Variants in GNAO1 observed in about 807,000 individuals in gnomAD.
GNAO1 encodes G protein subunit alpha o1, also known as guanine nucleotide-binding protein G(o) subunit alpha.
For missense variants in GNAO1, 166 were observed against 478.7 expected, an observed-to-expected ratio of 0.35 and a Z score of 6.10; for synonymous variants, 164 against 180.7, an observed-to-expected ratio of 0.91 and a Z score of 0.74.
At chr16:56,337,071 AGAGCCTGTGTATGCAAC>A (rs2037747392) in intron 6 of GNAO1, among the ~76,000 whole-genome samples, 1 of 152,280 alleles carries the variant, frequency 6.6e-6, no homozygotes, top group Non-Finnish European at 1.5e-5. Context: ...CCAGTGTGGC[AGAGCCTGTGTATGCAAC>A]CTGATCACAC....
chr16:56,325,742 G>A (rs1448050153), intron 3 of GNAO1, among the ~76,000 whole-genome samples: 1 of 152,150 alleles, frequency 6.6e-6, no homozygotes, highest in African/African-American at 2.4e-5. Flanking sequence ...GTGAGTGCAA[G>A]TGGCAGAAAC....
intron 2 of GNAO1, among the ~76,000 whole-genome samples, chr16:56,256,720 G>GTT (rs1434031437): frequency 2.5e-4 from 12 of 48,672 alleles, no homozygotes; most frequent in African/African-American, 9.6e-4. Flanking sequence ...CTCTCTCTCT[G>GTT]TGTGTGTGTG....
At chr16:56,261,089 T>G (rs903387220) in intron 2 of GNAO1, among the ~76,000 whole-genome samples, 1 of 152,228 alleles carries the variant, frequency 6.6e-6, no homozygotes, top group East Asian at 1.9e-4. Context: ...GCGTGGCAAC[T>G]GACCACTGCC....
At chr16:56,272,344 A>G (rs1266291208) in intron 2 of GNAO1, among the ~76,000 whole-genome samples, 1 of 152,178 alleles carries the variant, frequency 6.6e-6, no homozygotes, top group Non-Finnish European at 1.5e-5. Context: ...GTTGTTCTGT[A>G]TGGACCAAAT....
intron 4 of GNAO1, among the ~76,000 whole-genome samples, chr16:56,333,820 G>A (rs1473003669): frequency 6.6e-6 from 1 of 152,272 alleles, no homozygotes; most frequent in Non-Finnish European, 1.5e-5. Flanking sequence ...GCTCCTCCCT[G>A]TGGGCTGCTT....
chr16:56,214,787 C>T (rs1375512395), intron 2 of GNAO1, among the ~76,000 whole-genome samples: 1 of 152,256 alleles, frequency 6.6e-6, no homozygotes, highest in African/African-American at 2.4e-5. Flanking sequence ...CCACAATTCT[C>T]ACTTCTTCCC....
At chr16:56,216,103 C>T (rs1258298970) in intron 2 of GNAO1, among the ~76,000 whole-genome samples, 3 of 152,146 alleles carry the variant, frequency 2.0e-5, no homozygotes, top group Admixed American at 2.0e-4. Context: ...CCATTCTTTA[C>T]ACTTATTTCT....
Position 56,327,467 on chromosome 16 carries a change from A to G in GNAO1, c.304-1164A>G, listed in dbSNP as rs191729419. 1.0e-3 allele frequency among the ~76,000 whole-genome samples: 156 copies of G among 152,072 alleles called. 1 individual carries two copies. The highest frequency in any genetic ancestry group is 2.3e-3 in the South Asian group (11 of 4,810). On this transcript the variant is annotated intron_variant, in intron 3 of 8. Coordinates refer to ENST00000262493, the MANE Select transcript of GNAO1 (RefSeq NM_020988.3). Reference sequence around the variant, plus strand: ...AAGGCCCAACGACACAGCTCTTGCCACTCGCTCCTGAGGTGGGGGAGGTTC... The same window carrying G: ...AAGGCCCAACGACACAGCTCTTGCCGCTCGCTCCTGAGGTGGGGGAGGTTC...
intron 2 of GNAO1, among the ~76,000 whole-genome samples, chr16:56,263,660 C>G (rs1276554244): frequency 5.9e-5 from 9 of 152,146 alleles, no homozygotes; most frequent in African/African-American, 2.2e-4. Context: ...TATTTGCCCC[C>G]CATGAGTCAC....
intron 6 of GNAO1, among the ~76,000 whole-genome samples, chr16:56,341,647 G>T (rs550193101): frequency 1.4e-4 from 22 of 152,362 alleles, no homozygotes; most frequent in Admixed American, 6.5e-4. Flanking sequence ...TATATAGGGT[G>T]CTGGGGATGA....
At chr16:56,282,610 C>G (rs1327869056) in intron 3 of GNAO1, among the ~76,000 whole-genome samples, 1 of 152,214 alleles carries the variant, frequency 6.6e-6, no homozygotes, top group Non-Finnish European at 1.5e-5. Context: ...CTGCAGGAGG[C>G]TGAGCAAGGA....
chr16:56,232,661 G>C (rs1252829085), intron 2 of GNAO1, among the ~76,000 whole-genome samples: 1 of 152,150 alleles, frequency 6.6e-6, no homozygotes, highest in African/African-American at 2.4e-5. Context: ...AGACCCAACA[G>C]ACCACTCACA....
At chr16:56,272,231 C>A (rs2037024655) in intron 2 of GNAO1, among the ~76,000 whole-genome samples, 1 of 152,048 alleles carries the variant, frequency 6.6e-6, no homozygotes, top group Non-Finnish European at 1.5e-5. Flanking sequence ...ATGGCATGAA[C>A]CAAGGAGGCA....
chr16:56,253,465 A>T (rs2143461622), intron 2 of GNAO1, among the ~76,000 whole-genome samples: 1 of 152,336 alleles, frequency 6.6e-6, no homozygotes, highest in Non-Finnish European at 1.5e-5. Flanking sequence ...AGTGTGATTA[A>T]TTGTAATGCA....
intron 2 of GNAO1, among the ~76,000 whole-genome samples, chr16:56,262,687 A>G (rs535232023): frequency 6.6e-6 from 1 of 152,352 alleles, no homozygotes; most frequent in African/African-American, 2.4e-5. Flanking sequence ...TAATGTACTA[A>G]TAGGAATACC....
chr16:56,238,608 C>G (rs2036664252), intron 2 of GNAO1, among the ~76,000 whole-genome samples: 1 of 152,218 alleles, frequency 6.6e-6, no homozygotes, highest in Non-Finnish European at 1.5e-5. Context: ...GCAATTGTTC[C>G]CCCTCAAGTC....
chr16:56,299,755 C>T (rs796858345), intron 3 of GNAO1, among the ~76,000 whole-genome samples: 5 of 152,282 alleles, frequency 3.3e-5, no homozygotes, highest in African/African-American at 1.2e-4. Context: ...CACTTCCACA[C>T]AATCCAGATG....
chr16:56,317,066 T>C (rs1294599648), intron 3 of GNAO1, among the ~76,000 whole-genome samples: 2 of 152,212 alleles, frequency 1.3e-5, no homozygotes, highest in Non-Finnish European at 2.9e-5. Flanking sequence ...TTCTCAGTCA[T>C]TGGAAGATCC....
intron 2 of GNAO1, among the ~76,000 whole-genome samples, chr16:56,224,549 C>G (rs1347294679): frequency 6.6e-6 from 1 of 152,216 alleles, no homozygotes; most frequent in Non-Finnish European, 1.5e-5. Context: ...GTGATCTCAG[C>G]TCACTGCAGC....
Sources: allele counts gnomAD v4.1 joint callset (sites outside exome capture counted in the v4.1 genomes callset), GRCh38; gene constraint gnomAD v4.1.1; transcripts MANE v1.5; gene names NCBI Gene and HGNC (gene_info 2026-07-23, HGNC 2026-07-21).